CDH13: variants seen among roughly 807,000 people sequenced by gnomAD.
The protein encoded by CDH13 is cadherin-13.
Under a neutral mutation model 63.8 loss-of-function variants are expected in CDH13, and 24 were observed. The observed-to-expected ratio is 0.38, with a 90% CI of 0.27 to 0.53. The LOEUF (loss-of-function observed/expected upper bound fraction) is 0.53. Among genes scored for constraint, CDH13 ranks in the 20% least tolerant of loss-of-function variants. The pLI, the probability that CDH13 is intolerant of heterozygous loss-of-function variation, is 0.85. For synonymous variants in CDH13, 503 were observed against 355.3 expected (o/e 1.42, Z -4.67); for missense variants, 1,049 against 903.1 (o/e 1.16, Z -2.07).
intron 4 of CDH13, among the ~76,000 whole-genome samples, chr16:83,148,909 C>T (rs775383508): frequency 3.9e-5 from 6 of 152,010 alleles, no homozygotes; most frequent in Non-Finnish European, 5.9e-5. Context: ...CAATAGTAGC[C>T]TAAAGAAAAT....
intron 10 of CDH13, among the ~76,000 whole-genome samples, chr16:83,705,220 A>G (rs1355043565): frequency 1.3e-5 from 2 of 152,196 alleles, no homozygotes; most frequent in Non-Finnish European, 2.9e-5. Context: ...TCTGTCTTTT[A>G]TGCTTTCATA....
chr16:82,713,901 G>C (rs766315159), intron 1 of CDH13, among the ~76,000 whole-genome samples: 1 of 151,872 alleles, frequency 6.6e-6, no homozygotes, highest in Non-Finnish European at 1.5e-5. Flanking sequence ...GAAGTGCTCA[G>C]CTGAGGGCCT....
At chr16:83,656,277 A>G (rs1912859920) in intron 8 of CDH13, among the ~76,000 whole-genome samples, 1 of 152,188 alleles carries the variant, frequency 6.6e-6, no homozygotes, top group South Asian at 2.1e-4. Flanking sequence ...TCACAACATG[A>G]ATAAATGGTG....
intron 7 of CDH13, among the ~76,000 whole-genome samples, chr16:83,522,752 C>A (rs968907649): frequency 2.6e-5 from 4 of 152,190 alleles, no homozygotes; most frequent in Non-Finnish European, 5.9e-5. Context: ...TGGCATCAGA[C>A]TGGCCTGAAT....
At chr16:82,838,857 A>G (rs1381260000) in intron 1 of CDH13, among the ~76,000 whole-genome samples, 3 of 152,188 alleles carry the variant, frequency 2.0e-5, no homozygotes, top group Admixed American at 6.5e-5. Flanking sequence ...CCTTATGTAA[A>G]GGTCCCTGCC....
intron 3 of CDH13, among the ~76,000 whole-genome samples, chr16:83,072,267 A>G (rs796584641): frequency 6.6e-6 from 1 of 152,196 alleles, no homozygotes; most frequent in Admixed American, 6.5e-5. Context: ...CACTTGTCCA[A>G]GGTGTTCCAA....
intron 1 of CDH13, among the ~76,000 whole-genome samples, chr16:82,748,519 T>G (rs2034277663): frequency 6.6e-6 from 1 of 152,114 alleles, no homozygotes; most frequent in South Asian, 2.1e-4. Flanking sequence ...ATCTGTTCTG[T>G]TGGTGGTGGT....
chr16:82,930,543 T>C (rs527397032), intron 2 of CDH13, among the ~76,000 whole-genome samples: 1 of 152,326 alleles, frequency 6.6e-6, no homozygotes, highest in African/African-American at 2.4e-5. Context: ...TATTTTATTT[T>C]TTTAGAAATA....
intron 3 of CDH13, among the ~76,000 whole-genome samples, chr16:83,117,188 G>A (rs1041663664): frequency 9.2e-5 from 14 of 152,182 alleles, no homozygotes; most frequent in East Asian, 1.9e-4. Flanking sequence ...CTCCTCATGC[G>A]GAGTAAAAGC....
At chr16:82,814,403 C>T (rs1034540627) in intron 1 of CDH13, among the ~76,000 whole-genome samples, 1 of 152,136 alleles carries the variant, frequency 6.6e-6, no homozygotes, top group Non-Finnish European at 1.5e-5. Context: ...TCCACCCCAC[C>T]TCCAGGGAGG....
intron 2 of CDH13, among the ~76,000 whole-genome samples, chr16:82,901,459 C>T (rs977838326): frequency 1.3e-5 from 2 of 151,184 alleles, no homozygotes; most frequent in African/African-American, 2.4e-5. Context: ...AGATGGTGGG[C>T]TGAGATAGCC....
intron 8 of CDH13, among the ~76,000 whole-genome samples, chr16:83,632,543 G>A (rs1910879357): frequency 1.3e-5 from 2 of 151,782 alleles, no homozygotes; most frequent in Admixed American, 1.3e-4. Flanking sequence ...GGGTTAGAGA[G>A]CTAAGGTAAT....
At chr16:83,380,463 A>G (rs1336184333) in intron 6 of CDH13, among the ~76,000 whole-genome samples, 1 of 152,138 alleles carries the variant, frequency 6.6e-6, no homozygotes, top group East Asian at 1.9e-4. Context: ...TACACGTGAA[A>G]CCTTTCTATC....
At chr16:83,356,598 A>G (rs2091062123) in intron 6 of CDH13, among the ~76,000 whole-genome samples, 1 of 152,154 alleles carries the variant, frequency 6.6e-6, no homozygotes. Context: ...ATTTATCTAT[A>G]CAAATACCTT....
At chr16:83,000,787 G>A (rs1429112691) in intron 2 of CDH13, among the ~76,000 whole-genome samples, 1 of 151,870 alleles carries the variant, frequency 6.6e-6, no homozygotes, top group Non-Finnish European at 1.5e-5. Context: ...CACCGTGTTA[G>A]CCAAGATGAT....
At chr16:83,683,216 T>C (rs754068512) in intron 10 of CDH13, among the ~76,000 whole-genome samples, 1 of 152,250 alleles carries the variant, frequency 6.6e-6, no homozygotes, top group Non-Finnish European at 1.5e-5. Flanking sequence ...TCACATTGTG[T>C]TGTTAGTCAA....
intron 8 of CDH13, among the ~76,000 whole-genome samples, chr16:83,628,298 G>T (rs973671753): frequency 6.6e-6 from 1 of 152,190 alleles, no homozygotes; most frequent in Non-Finnish European, 1.5e-5. Flanking sequence ...TGGAGAAGCA[G>T]GGTTTCCCCT....
rs951668762 is a variant in CDH13, at chr16:83,164,728, G to GA, written c.483+39237dup. Among the ~76,000 whole-genome samples the GA allele has an allele frequency of 7.6e-4, 108 of 142,930 alleles. 2 individuals are homozygous for GA. The highest frequency in any genetic ancestry group is 3.6e-3 in the Middle Eastern group (1 of 274). 93.8% of individuals were successfully genotyped at this position (142,930 alleles called of 152,430 possible). A position where few individuals can be genotyped will look rare whatever the true frequency, so the allele number is the denominator to read the frequency against. ...AGAGCGAGACTCTGTCTCAAAAAAA[G>GA]AAAAAAAAAATCATCGTTTTACTGA... On this transcript the variant is annotated intron_variant, in intron 4 of 13. Transcript: ENST00000567109.
intron 5 of CDH13, among the ~76,000 whole-genome samples, chr16:83,319,336 C>T (rs563947842): frequency 1.3e-5 from 2 of 152,188 alleles, no homozygotes; most frequent in African/African-American, 4.8e-5. Flanking sequence ...CGGTGTTTCT[C>T]TGCCAGCAAA....
Sources: allele counts gnomAD v4.1 joint callset (sites outside exome capture counted in the v4.1 genomes callset), GRCh38; gene constraint gnomAD v4.1.1; transcripts MANE v1.5; gene names NCBI Gene and HGNC (gene_info 2026-07-23, HGNC 2026-07-21).